The following RANBP2 variants were observed in gnomAD, a reference collection of about 807,000 sequenced individuals.
RANBP2 encodes E3 SUMO-protein ligase RanBP2.
RANBP2 carries 57 observed loss-of-function variants against 303.6 expected under a neutral mutation model. That is an observed-to-expected ratio of 0.19 (90% CI 0.15 to 0.23). RANBP2 has a LOEUF of 0.23. Ranked by LOEUF, RANBP2 falls within the 10% of genes least tolerant of loss-of-function variation. RANBP2 has a pLI of 1.00. For synonymous variants in RANBP2, 1,167 were observed against 1,301.5 expected (o/e 0.90, Z 2.23); for missense variants, 3,138 against 3,780.8 (o/e 0.83, Z 4.46).
the RANBP2 span, among the ~76,000 whole-genome samples, chr2:109,471,400 A>G: frequency 6.6e-6 from 1 of 152,188 alleles, no homozygotes; most frequent in East Asian, 1.9e-4. Context: ...AAGGGGGAAG[A>G]ATCCTCATAA....
chr2:108,746,851 A>G, intron 8 of RANBP2, 53 bp downstream of exon 8: 1 of 611,450 alleles, frequency 1.6e-6, no homozygotes, highest in Non-Finnish European at 3.0e-6. Flanking sequence ...AATTTCTGTT[A>G]AGGCATATCT....
At position 108,767,849 on chromosome 2, in the gene RANBP2, A is replaced by T; in HGVS notation, c.7310A>T (p.Asp2437Val). Residue 2437 changes from aspartate to valine, a missense_variant, in exon 20 of 29, where the codon GAT becomes GTT. Asp to Val is a radical substitution (Grantham distance 152). This residue lies in a region of RANBP2 where 92 missense variants were observed against 211.0 expected (regional missense o/e 0.44). Coordinates refer to ENST00000283195, the MANE Select transcript of RANBP2 (RefSeq NM_006267.5). ...GCAGACTCGTTTAAGAAAATTTTTGATGAAGCAAAAACAGCCCAGGAAAAA... is the reference window on the plus strand; with the variant it reads ...GCAGACTCGTTTAAGAAAATTTTTGTTGAAGCAAAAACAGCCCAGGAAAAA... ...DVADSFKKIF[D>V]EAKTAQEKDS... 2 of 1,610,076 alleles carry T rather than the reference A, an allele frequency of 1.2e-6. No homozygotes were observed. The highest frequency in any genetic ancestry group is 1.7e-6 in the Non-Finnish European group (2 of 1,179,742).
the RANBP2 span, among the ~76,000 whole-genome samples, chr2:109,751,710 G>T: frequency 7.6e-5 from 1 of 13,162 alleles, no homozygotes; most frequent in Admixed American, 7.1e-4. Context: ...GTTCAGCAGA[G>T]AGAGTGCTCT....
the RANBP2 span, among the ~76,000 whole-genome samples, chr2:109,628,860 T>G: frequency 1.3e-5 from 2 of 152,096 alleles, no homozygotes; most frequent in African/African-American, 2.4e-5. Context: ...ATTTTTCTCT[T>G]CCTTTTGAGG....
the RANBP2 span, among the ~76,000 whole-genome samples, chr2:109,662,891 C>A: frequency 6.6e-6 from 1 of 152,164 alleles, no homozygotes; most frequent in African/African-American, 2.4e-5. Context: ...ATCCCCTGGC[C>A]TCCAATGTGG....
the RANBP2 span, among the ~76,000 whole-genome samples, chr2:108,818,291 A>C: frequency 6.6e-6 from 1 of 152,182 alleles, no homozygotes; most frequent in East Asian, 1.9e-4. Context: ...TGGGCAACAG[A>C]GTGAGACCCT....
the RANBP2 span, among the ~76,000 whole-genome samples, chr2:109,416,747 G>C: frequency 1.3e-3 from 191 of 151,690 alleles, 2 homozygotes; most frequent in South Asian, 5.9e-3. Context: ...CAACAACAAC[G>C]AACAAAATAT....
chr2:108,770,833 T>C (rs1677447402), intron 20 of RANBP2, among the ~76,000 whole-genome samples: 1 of 152,180 alleles, frequency 6.6e-6, no homozygotes, highest in Non-Finnish European at 1.5e-5. Context: ...GTGTGTGTGT[T>C]TACACTTACT....
chr2:108,747,378 A>G (rs1455461325), intron 8 of RANBP2, among the ~76,000 whole-genome samples: 1 of 152,258 alleles, frequency 6.6e-6, no homozygotes, highest in Non-Finnish European at 1.5e-5. Flanking sequence ...CTGAAGAAAC[A>G]TAATGCTTTC....
the RANBP2 span, among the ~76,000 whole-genome samples, chr2:108,830,573 G>A: frequency 6.6e-6 from 1 of 150,828 alleles, no homozygotes; most frequent in African/African-American, 2.5e-5. Context: ...TTGGGAGGCC[G>A]AGGCGGGCAG....
At chr2:109,298,981 G>A in the RANBP2 span, among the ~76,000 whole-genome samples, 40 of 152,146 alleles carry the variant, frequency 2.6e-4, no homozygotes, top group Non-Finnish European at 5.0e-4. Flanking sequence ...GGCCCACGCC[G>A]GCCTGCACCA....
the RANBP2 span, among the ~76,000 whole-genome samples, chr2:109,198,249 A>G: frequency 1.3e-5 from 2 of 152,200 alleles, no homozygotes; most frequent in Non-Finnish European, 2.9e-5. Context: ...CCAGCCTGTG[A>G]TCTAAGCCCT....
At chr2:109,697,315 C>A in the RANBP2 span, among the ~76,000 whole-genome samples, 1 of 152,062 alleles carries the variant, frequency 6.6e-6, no homozygotes, top group East Asian at 1.9e-4. Flanking sequence ...CATGGAGAAA[C>A]CCTGTCTCTA....
At chr2:108,798,373 AATT>A in the RANBP2 span, 38 of 1,568,036 alleles carry the variant, frequency 2.4e-5, no homozygotes, top group Non-Finnish European at 3.3e-5. Context: ...ATAGGAATAT[AATT>A]TGCAGAATTT....
chr2:109,269,123 G>T, the RANBP2 span, among the ~76,000 whole-genome samples: 3 of 152,234 alleles, frequency 2.0e-5, no homozygotes, highest in Non-Finnish European at 4.4e-5. Context: ...TTTGTGCTGA[G>T]TGGCATTGGA....
chr2:108,724,624 C>A (rs752365369), intron 1 of RANBP2, among the ~76,000 whole-genome samples: 1 of 151,948 alleles, frequency 6.6e-6, no homozygotes. Flanking sequence ...TGTATTATTT[C>A]TTTGACCATT....
chr2:108,846,883 C>G, the RANBP2 span: 2 of 1,613,300 alleles, frequency 1.2e-6, no homozygotes, highest in Non-Finnish European at 1.7e-6. Context: ...TCCAATTTGC[C>G]ATTGAGATTT....
At chr2:109,449,417 G>A in the RANBP2 span, 36 of 1,613,574 alleles carry the variant, frequency 2.2e-5, no homozygotes, top group Non-Finnish European at 3.0e-5. Flanking sequence ...CTGGAGGGGG[G>A]CCCATCGGTG....
At chr2:109,122,262 A>G in the RANBP2 span, among the ~76,000 whole-genome samples, 4 of 152,204 alleles carry the variant, frequency 2.6e-5, no homozygotes, top group Non-Finnish European at 5.9e-5. Flanking sequence ...CAGGTAGTTT[A>G]TTTGGGAGGG....
Sources: allele counts gnomAD v4.1 joint callset (sites outside exome capture counted in the v4.1 genomes callset), GRCh38; gene constraint gnomAD v4.1.1; regional missense constraint gnomAD v4.1.1; transcripts MANE v1.5; gene names NCBI Gene and HGNC (gene_info 2026-07-23, HGNC 2026-07-21).